The following ALDH1L2 variants were observed in gnomAD, a reference collection of about 807,000 sequenced individuals.
ALDH1L2 encodes the protein aldehyde dehydrogenase 1 family member L2.
Under a neutral mutation model 111.0 loss-of-function variants are expected in ALDH1L2, and 91 were observed. The observed-to-expected ratio is 0.82, with a 90% CI of 0.69 to 0.98. The LOEUF (loss-of-function observed/expected upper bound fraction) is 0.98. Ranked by LOEUF, ALDH1L2 falls within the 50% of genes least tolerant of loss-of-function variation. The pLI is 0.00. For synonymous variants in ALDH1L2, 374 were observed against 392.6 expected, an observed-to-expected ratio of 0.95 and a Z score of 0.56; for missense variants, 995 against 1,126.8, an observed-to-expected ratio of 0.88 and a Z score of 1.67.
intron 15 of ALDH1L2, among the ~76,000 whole-genome samples, 190 bp downstream of exon 15, chr12:105,046,520 G>A (rs1335481054): frequency 1.3e-5 from 2 of 151,668 alleles, no homozygotes; most frequent in African/African-American, 4.8e-5. Context: ...TTAAATTGTG[G>A]AATCTCCATA....
intron 18 of ALDH1L2, among the ~76,000 whole-genome samples, chr12:105,034,983 C>CATAA (rs375314124): frequency 0.13 from 17,617 of 139,870 alleles, 1,091 homozygotes; most frequent in Middle Eastern, 0.17. Flanking sequence ...GATTCCATCT[C>CATAA]ATAAATAAAT....
At chr12:105,062,828 G>A in intron 7 of ALDH1L2, 60 bp downstream of exon 7, 1 of 1,565,398 alleles carries the variant, frequency 6.4e-7, no homozygotes. Context: ...TCCCTTAATA[G>A]CTTGGGTTAT....
At position 105,070,384 on chromosome 12, in the gene ALDH1L2, A is replaced by G. The variant is rs1877610209; in HGVS notation, c.428+186T>C. The G allele has an allele frequency of 1.3e-5, 8 of 593,866 alleles. No homozygotes were observed. In the South Asian group the frequency reaches 1.7e-4, roughly 12 times the overall value. The allele number at this position is 593,866 out of a possible 1,614,324, so 36.8% of individuals were successfully genotyped here. ...GTAAAAAACAGAAAGAATATAGGCA[A>G]TTGAAATACACTCACCCTCTGTGTA... On this transcript the variant is annotated intron_variant, in intron 3 of 22. Coordinates refer to ENST00000258494, the MANE Select transcript of ALDH1L2 (RefSeq NM_001034173.4).
intron 9 of ALDH1L2, among the ~76,000 whole-genome samples, chr12:105,058,828 G>A (rs142167295): frequency 7.2e-5 from 11 of 152,192 alleles, no homozygotes; most frequent in African/African-American, 2.6e-4. Flanking sequence ...GTCCACCATG[G>A]TTGTGGTTCA....
chr12:105,074,032 A>G (rs201987087), intron 1 of ALDH1L2, 27 bp from the exon 2 acceptor site: 2 of 1,613,792 alleles, frequency 1.2e-6, no homozygotes, highest in East Asian at 2.2e-5. Flanking sequence ...TGACGAAGAC[A>G]TAAGCATGGA....
At chr12:105,056,186 A>G (rs1405678431) in intron 10 of ALDH1L2, among the ~76,000 whole-genome samples, 1 of 152,166 alleles carries the variant, frequency 6.6e-6, no homozygotes, top group Admixed American at 6.5e-5. Context: ...CTCATCATAC[A>G]AAAGAGTCCT....
At chr12:105,077,297 G>T (rs1172251535) in intron 1 of ALDH1L2, among the ~76,000 whole-genome samples, 1 of 149,472 alleles carries the variant, frequency 6.7e-6, no homozygotes, top group Non-Finnish European at 1.5e-5. Context: ...TTGAGACAGA[G>T]TCTCACTGTG....
chr12:105,024,190 C>T lies in ALDH1L2; in HGVS notation c.*234G>A, dbSNP rs1874296683. 1.4e-5 allele frequency: 8 copies of T among 571,946 alleles called. No homozygotes were observed. Among genetic ancestry groups the T allele is most frequent in the Non-Finnish European group, 1.9e-5 (6 of 321,332 alleles). 35.4% of individuals were successfully genotyped at this position (571,946 alleles called of 1,614,324 possible). On this transcript the variant is annotated 3_prime_UTR_variant, in exon 23 of 23. Transcript: ENST00000258494. Reference sequence around the variant, plus strand: ...GAAACAGCTTGGTATTTTAGAAATACGTATGATATACAACATAGTCAAAAT... The same window carrying T: ...GAAACAGCTTGGTATTTTAGAAATATGTATGATATACAACATAGTCAAAAT...
intron 2 of ALDH1L2, among the ~76,000 whole-genome samples, chr12:105,073,239 A>G (rs1488144381): frequency 6.6e-6 from 1 of 152,222 alleles, no homozygotes; most frequent in Non-Finnish European, 1.5e-5. Context: ...AACTTGCCCA[A>G]GGTCATACAG....
intron 10 of ALDH1L2, among the ~76,000 whole-genome samples, chr12:105,054,057 TAATG>T (rs1375815639): frequency 6.6e-6 from 1 of 151,612 alleles, no homozygotes; most frequent in Non-Finnish European, 1.5e-5. Context: ...AGGGTAAAAA[TAATG>T]GAGGAAATAA....
chr12:105,044,619 G>T, intron 15 of ALDH1L2, among the ~76,000 whole-genome samples: 1 of 83,620 alleles, frequency 1.2e-5, no homozygotes, highest in African/African-American at 4.0e-5. Flanking sequence ...CTTGTATAAT[G>T]CTGGTGAGCT....
rs1874095049 is a variant in ALDH1L2, at chr12:105,020,198, T to C, written c.*4226A>G. The C allele has an allele frequency of 6.6e-6, 1 of 152,210 alleles. No individual in the cohort carries two copies. Among genetic ancestry groups the C allele is most frequent in the African/African-American group, 2.4e-5 (1 of 41,456 alleles). The allele number at this position is 152,210 out of a possible 1,614,324, so 9.4% of individuals were successfully genotyped here. On this transcript the variant is annotated 3_prime_UTR_variant, in exon 23 of 23. Coordinates refer to ENST00000258494, the MANE Select transcript of ALDH1L2 (RefSeq NM_001034173.4). Reference sequence around the variant, plus strand: ...GATTTTCCTTGACAGCTTTATTTTCTTGGAGGGCAGGTATGGGGAACCAAA... The same window carrying C: ...GATTTTCCTTGACAGCTTTATTTTCCTGGAGGGCAGGTATGGGGAACCAAA...
intron 15 of ALDH1L2, among the ~76,000 whole-genome samples, chr12:105,046,221 A>ATTTTTT (rs869078154): frequency 9.2e-5 from 2 of 21,786 alleles, no homozygotes; most frequent in African/African-American, 2.0e-4. Context: ...ATATATATAT[A>ATTTTTT]TTTTTTTTTT....
chr12:105,027,394 C>T (rs1313697122), intron 21 of ALDH1L2, among the ~76,000 whole-genome samples: 2 of 152,166 alleles, frequency 1.3e-5, no homozygotes, highest in African/African-American at 2.4e-5. Flanking sequence ...GAGTGTCCTC[C>T]CTATTTCCTT....
intron 1 of ALDH1L2, among the ~76,000 whole-genome samples, chr12:105,079,551 A>C (rs1489144335): frequency 6.6e-6 from 1 of 152,210 alleles, no homozygotes; most frequent in Non-Finnish European, 1.5e-5. Context: ...TGGTGACCAC[A>C]GAACACTTCA....
At chr12:105,031,147 T>C (rs1874676008) in intron 20 of ALDH1L2, among the ~76,000 whole-genome samples, 1 of 152,228 alleles carries the variant, frequency 6.6e-6, no homozygotes, top group South Asian at 2.1e-4. Flanking sequence ...TTTATTGTGG[T>C]AAAATACACA....
At chr12:105,058,326 T>G (rs1228876970) in intron 9 of ALDH1L2, 106 bp from the exon 10 acceptor site, 23 of 1,137,670 alleles carry the variant, frequency 2.0e-5, no homozygotes, top group Non-Finnish European at 2.7e-5. Context: ...TTACATCACA[T>G]GCCTATTTAT....
chr12:105,052,774 T>C (rs56188643), intron 11 of ALDH1L2, 38 bp downstream of exon 11: 735,206 of 1,608,240 alleles, frequency 0.46, 172,800 homozygotes, highest in Middle Eastern at 0.59. Flanking sequence ...TAAAAATCCA[T>C]GACCAGTGAT....
chr12:105,036,087 T>C lies in ALDH1L2; in HGVS notation c.2146-1689A>G, dbSNP rs1365192944. Among the ~76,000 whole-genome samples the C allele has an allele frequency of 1.8e-4, 14 of 77,884 alleles. 3 individuals are homozygous for C. Among genetic ancestry groups the C allele is most frequent in the African/African-American group, 9.2e-4 (14 of 15,136 alleles). 51.1% of individuals were successfully genotyped at this position (77,884 alleles called of 152,430 possible). A position where few individuals can be genotyped will look rare whatever the true frequency, so the allele number is the denominator to read the frequency against. On this transcript the variant is annotated intron_variant, in intron 18 of 22. Transcript: ENST00000258494. The stretch of plus-strand genomic sequence containing the variant: ...ATATACGTATATTTATATATGTGTA[T>C]ATATTATATATACGTATATTTATAT...
Sources: gnomAD v4.1 joint callset for allele counts (sites outside exome capture counted in the v4.1 genomes callset) on GRCh38, gnomAD v4.1.1 for gene constraint, MANE v1.5 for transcripts, NCBI Gene and HGNC (gene_info 2026-07-23, HGNC 2026-07-21) for gene names.